The following WDR17 variants were observed in gnomAD, a reference collection of about 807,000 sequenced individuals.
WDR17 encodes the protein WD repeat domain 17, also known as WD repeat-containing protein 17.
Under a neutral mutation model 161.7 loss-of-function variants are expected in WDR17, and 143 were observed. The observed-to-expected ratio is 0.88, with a 90% confidence interval of 0.77 to 1.02. The LOEUF (loss-of-function observed/expected upper bound fraction) is 1.02, where lower values mean the gene tolerates loss of function less well. WDR17 is among the 50% of genes least tolerant of loss of function. The probability of loss-of-function intolerance (pLI) is 0.00; values close to 1 mark genes in which losing one functional copy is unlikely to be tolerated. For synonymous variants in WDR17, 517 were observed against 515.6 expected, an observed-to-expected ratio of 1.00 and a Z score of -0.04; for missense variants, 1,469 against 1,520.9, an observed-to-expected ratio of 0.97 and a Z score of 0.57.
At chr4:176,144,862 TTATG>T (rs949620532) in intron 11 of WDR17, among the ~76,000 whole-genome samples, 3 of 152,056 alleles carry the variant, frequency 2.0e-5, no homozygotes, top group Non-Finnish European at 4.4e-5. Context: ...ATTTCTGACT[TTATG>T]TATCTGTATA....
chr4:176,160,145 C>T lies in WDR17; in HGVS notation c.2658+19C>T, dbSNP rs770186389. ...TGCACAGGTAAAACCACAGAACTAC[C>T]CCAGTCACATACATGAATGCTTGAG... On this transcript the variant is annotated intron_variant, in intron 19 of 28. Coordinates refer to ENST00000508596, the MANE Select transcript of WDR17 (RefSeq NM_181265.4). 2 of 1,611,456 alleles carry T rather than the reference C, an allele frequency of 1.2e-6. No homozygotes were observed. Among genetic ancestry groups the T allele is most frequent in the Non-Finnish European group, 8.5e-7 (1 of 1,178,532 alleles).
At chr4:176,156,758 A>G (rs1045664765) in intron 18 of WDR17, among the ~76,000 whole-genome samples, 7 of 152,066 alleles carry the variant, frequency 4.6e-5, no homozygotes, top group African/African-American at 1.4e-4. Flanking sequence ...GGAGGCCAGA[A>G]GTCTAAATCA....
At chr4:176,111,013 C>T (rs1477673851) in intron 1 of WDR17, among the ~76,000 whole-genome samples, 1 of 152,112 alleles carries the variant, frequency 6.6e-6, no homozygotes, top group Non-Finnish European at 1.5e-5. Context: ...GCTTATATAC[C>T]TGTCTTATGC....
At position 176,114,927 on chromosome 4, in the gene WDR17, G is replaced by A. The variant is rs192496052; in HGVS notation, c.124-869G>A. Among the ~76,000 whole-genome samples, 227 of 151,742 alleles carry A rather than the reference G, an allele frequency of 1.5e-3. 2 individuals are homozygous for A. In the East Asian group the frequency reaches 0.038, roughly 25 times the overall value. On this transcript the variant is annotated intron_variant, in intron 2 of 28. Transcript: ENST00000508596. ...AGTGGAGGTGATCGGCTGTAATAGA[G>A]AAACAAGAAGTTCAGAGTGAACAGG...
intron 22 of WDR17, among the ~76,000 whole-genome samples, chr4:176,163,886 T>C (rs948657087): frequency 2.6e-5 from 4 of 152,216 alleles, no homozygotes; most frequent in African/African-American, 9.6e-5. Flanking sequence ...TTAGGAAATA[T>C]GGGATTCCGT....
rs189328833 is a variant in WDR17 at position 176,177,851 on chromosome 4, A to C, written c.3732+197A>C. On this transcript the variant is annotated intron_variant, in intron 28 of 28. Coordinates refer to ENST00000508596, the MANE Select transcript of WDR17 (RefSeq NM_181265.4). The stretch of plus-strand genomic sequence containing the variant: ...GCCTAAAATAAATTCAAATACAAGC[A>C]TTGTACTGACTCTTACCACAGAAGC... Among the ~76,000 whole-genome samples the C allele has an allele frequency of 3.9e-5, 6 of 151,948 alleles. No homozygotes were observed. The East Asian group carries it at 1.2e-3, about 29-fold the overall frequency.
chr4:176,130,051 G>A (rs963332913), intron 6 of WDR17, among the ~76,000 whole-genome samples: 26 of 152,048 alleles, frequency 1.7e-4, no homozygotes, highest in African/African-American at 6.0e-4. Flanking sequence ...TGTCATTTTC[G>A]AGCAATTCCT....
rs555307174 is a variant in WDR17 at position 176,105,506 on chromosome 4, C to T, written c.-6-6069C>T. ...TCAATAGATTTTAAAAAGTAGTTAT[C>T]ATACATTATGTCTTCTCTGAACACT... On this transcript the variant is annotated intron_variant, in intron 1 of 28. Transcript: ENST00000508596. Among the ~76,000 whole-genome samples the T allele has an allele frequency of 5.3e-5, 8 of 151,962 alleles. No homozygotes were observed. In the South Asian group the frequency reaches 8.3e-4, roughly 16 times the overall value.
chr4:176,177,274 G>C, intron 27 of WDR17, 118 bp downstream of exon 27: 1 of 1,041,056 alleles, frequency 9.6e-7, no homozygotes, highest in Non-Finnish European at 1.4e-6. Context: ...TGATTTGTTT[G>C]GCATATATGC....
At chr4:176,137,293 T>C (rs779312061) in intron 8 of WDR17, among the ~76,000 whole-genome samples, 1 of 151,582 alleles carries the variant, frequency 6.6e-6, no homozygotes, top group Non-Finnish European at 1.5e-5. Flanking sequence ...GCAGATGCTA[T>C]AGACAGAACA....
chr4:176,083,722 A>G (rs1735048855), intron 1 of WDR17, among the ~76,000 whole-genome samples: 2 of 152,102 alleles, frequency 1.3e-5, no homozygotes, highest in Admixed American at 1.3e-4. Context: ...GTCATGGGGT[A>G]TGTATTTGTT....
At chr4:176,122,800 A>G (rs1390071357) in intron 4 of WDR17, among the ~76,000 whole-genome samples, 1 of 152,202 alleles carries the variant, frequency 6.6e-6, no homozygotes, top group Non-Finnish European at 1.5e-5. Context: ...ATAAATATTC[A>G]TGAGAACTAG....
rs774818660 is a variant in WDR17, at chr4:176,128,747, T to G, written c.800T>G (p.Val267Gly). 29 of 1,599,640 alleles carry G rather than the reference T, an allele frequency of 1.8e-5. No individual in the cohort carries two copies. The highest frequency in any genetic ancestry group is 2.4e-5 in the Non-Finnish European group (28 of 1,175,774). ...PGMFITGDSQVGVLRIWNVSR... is the reference protein window; with the variant it reads ...PGMFITGDSQGGVLRIWNVSR... ...TCCCTGATCTGACTAGATTCTCAAG[T>G]GGGTGTTTTACGCATTTGGAATGTT... Residue 267 changes from valine (V) to glycine (G), a missense_variant, in exon 6 of 29, where the codon GTG becomes GGG. Val to Gly is a moderately radical substitution (Grantham distance 109). Coordinates refer to ENST00000508596, the MANE Select transcript of WDR17 (RefSeq NM_181265.4).
chr4:176,135,389 A>G (rs35237600), intron 8 of WDR17, 113 bp downstream of exon 8: 299,667 of 1,221,528 alleles, frequency 0.25, 38,127 homozygotes, highest in Middle Eastern at 0.35. Context: ...ATGAATGTAG[A>G]GCAAATTAGT....
At chr4:176,174,845 G>A (rs1014964509) in intron 26 of WDR17, 127 bp downstream of exon 26, 1 of 514,302 alleles carries the variant, frequency 1.9e-6, no homozygotes, top group South Asian at 3.9e-5. Context: ...TACTCAGCGT[G>A]TGCTTTATAA....
chr4:176,070,388 T>C (rs1467339287), intron 1 of WDR17, among the ~76,000 whole-genome samples: 2 of 152,170 alleles, frequency 1.3e-5, no homozygotes, highest in Non-Finnish European at 2.9e-5. Context: ...CCTTAGGTAA[T>C]ACAGCCCTTT....
chr4:176,125,269 T>A lies in WDR17; in HGVS notation c.704T>A (p.Ile235Lys). The stretch of plus-strand genomic sequence containing the variant: ...GTAGATTCTGAATCACTTTCTTGCA[T>A]AACAACATTTAATCTTCCCAGTGCA... ...RLVDSESLSC[I>K]TTFNLPSAAA... Residue 235 changes from isoleucine to lysine, a missense_variant, in exon 5 of 29, where the codon ATA becomes AAA. Coordinates refer to ENST00000508596, the MANE Select transcript of WDR17 (RefSeq NM_181265.4). 1 of 1,614,158 alleles carries A rather than the reference T, an allele frequency of 6.2e-7. No homozygotes were observed. Among genetic ancestry groups the A allele is most frequent in the South Asian group, 1.1e-5 (1 of 91,076 alleles).
At chr4:176,067,590 A>G (rs149692836) in intron 1 of WDR17, among the ~76,000 whole-genome samples, 1 of 152,190 alleles carries the variant, frequency 6.6e-6, no homozygotes, top group Non-Finnish European at 1.5e-5. Flanking sequence ...TATTCTTCTT[A>G]TTTCTAATGA....
rs1746532031 is a variant in WDR17 at position 176,148,345 on chromosome 4, C to T, written c.1897+10C>T. On this transcript the variant is annotated intron_variant, in intron 13 of 28. Transcript: ENST00000508596. ...GGTGCAGATGTATATGGTAGAGTGT[C>T]TTTCATTCTTTCATGTATTTGTTAT... The T allele has an allele frequency of 1.2e-6, 2 of 1,604,916 alleles. No individual in the cohort carries two copies. The highest frequency in any genetic ancestry group is 4.5e-5 in the East Asian group (2 of 44,650).
Sources: gnomAD v4.1 joint callset for allele counts (sites outside exome capture counted in the v4.1 genomes callset) on GRCh38, gnomAD v4.1.1 for gene constraint, MANE v1.5 for transcripts, NCBI Gene and HGNC (gene_info 2026-07-23, HGNC 2026-07-21) for gene names.